UTRN: variants seen among roughly 807,000 people sequenced by gnomAD.
The protein encoded by UTRN is utrophin, also known as dystrophin-related protein 1.
In UTRN, 283 loss-of-function variants were observed where a neutral mutation model predicts 463.9. The observed-to-expected ratio is 0.61, with a 90% CI of 0.55 to 0.67. The LOEUF is 0.67. Ranked by LOEUF, UTRN falls within the 30% of genes least tolerant of loss-of-function variation. The probability of loss-of-function intolerance (pLI) is 0.00; values close to 1 mark genes in which losing one functional copy is unlikely to be tolerated. For synonymous variants in UTRN, 1,442 were observed against 1,431.5 expected, an observed-to-expected ratio of 1.01 and a Z score of -0.17; for missense variants, 3,922 against 4,084.3, an observed-to-expected ratio of 0.96 and a Z score of 1.08.
intron 50 of UTRN, among the ~76,000 whole-genome samples, chr6:144,561,256 T>TACAC (rs1455730140): frequency 2.6e-5 from 2 of 75,654 alleles, no homozygotes; most frequent in African/African-American, 4.3e-5. Context: ...TATATATATA[T>TACAC]ATATACATAC....
chr6:144,821,051 A>C, intron 66 of UTRN, 33 bp downstream of exon 66: 2 of 1,605,498 alleles, frequency 1.2e-6, no homozygotes, highest in Non-Finnish European at 1.7e-6. Context: ...ATCTAGTGTG[A>C]ACATTTATAT....
At chr6:144,772,020 T>TTTTG in intron 59 of UTRN, 52 bp downstream of exon 59, 1 of 464,308 alleles carries the variant, frequency 2.2e-6, no homozygotes, top group Non-Finnish European at 2.6e-6. Context: ...GAACCGGTTT[T>TTTTG]TTTTTTTTTT....
intron 69 of UTRN, among the ~76,000 whole-genome samples, chr6:144,834,133 G>A (rs1046204744): frequency 2.0e-5 from 3 of 152,136 alleles, no homozygotes; most frequent in Non-Finnish European, 4.4e-5. Context: ...TAACCCACTG[G>A]TGTTCCTTAT....
At chr6:144,553,910 T>C (rs1585244163) in intron 48 of UTRN, among the ~76,000 whole-genome samples, 1 of 126,694 alleles carries the variant, frequency 7.9e-6, no homozygotes, top group South Asian at 2.8e-4. Context: ...AGCAAGACTC[T>C]CTCTCAAAAA....
At chr6:144,517,177 A>T (rs1417350175) in intron 39 of UTRN, among the ~76,000 whole-genome samples, 1 of 151,866 alleles carries the variant, frequency 6.6e-6, no homozygotes, top group Non-Finnish European at 1.5e-5. Context: ...TGATTATGTT[A>T]TCAAACCTAA....
intron 58 of UTRN, among the ~76,000 whole-genome samples, chr6:144,767,207 T>C (rs1180719317): frequency 6.6e-6 from 1 of 152,098 alleles, no homozygotes; most frequent in African/African-American, 2.4e-5. Flanking sequence ...AGGTTTGAAA[T>C]CACATATTTT....
intron 2 of UTRN, among the ~76,000 whole-genome samples, chr6:144,336,268 A>G (rs574858670): frequency 6.6e-6 from 1 of 152,274 alleles, no homozygotes; most frequent in East Asian, 1.9e-4. Context: ...ACTTCAATCC[A>G]GACTCCGACA....
chr6:144,749,242 C>A (rs1348317623), intron 55 of UTRN, among the ~76,000 whole-genome samples: 1 of 151,966 alleles, frequency 6.6e-6, no homozygotes, highest in Admixed American at 6.6e-5. Flanking sequence ...AAGTATACCC[C>A]AAATCTCATT....
intron 65 of UTRN, among the ~76,000 whole-genome samples, chr6:144,814,786 A>C (rs1778933386): frequency 6.6e-6 from 1 of 152,236 alleles, no homozygotes. Context: ...GATAAAAAGC[A>C]AATGAATAAT....
At position 144,539,313 on chromosome 6, in the gene UTRN, A is replaced by G; in HGVS notation, c.6389A>G (p.Glu2130Gly). Residue 2130 changes from glutamate to glycine, a missense_variant, in exon 45 of 75, where the codon GAA becomes GGA. Glu to Gly is a moderately conservative substitution (Grantham distance 98). Transcript: ENST00000367545. ...CTCCAGGACTTAACTCAAGAAATGGAAGTACATGCTGAAAAACTCAAATGG... is the reference window on the plus strand; with the variant it reads ...CTCCAGGACTTAACTCAAGAAATGGGAGTACATGCTGAAAAACTCAAATGG... The part of the protein sequence containing the change: ...QELRDLTQEM[E>G]VHAEKLKWLN... 5.0e-6 allele frequency: 8 copies of G among 1,612,088 alleles called. No individual in the cohort carries two copies. The highest frequency in any genetic ancestry group is 5.9e-6 in the Non-Finnish European group (7 of 1,179,188).
rs200074133 is a variant in UTRN, at chr6:144,774,271, G to C, written c.8558-19G>C. On this transcript the variant is annotated intron_variant, in intron 59 of 74. Coordinates refer to ENST00000367545, the MANE Select transcript of UTRN (RefSeq NM_007124.3). ...TCAATAATAAGCCTATCTTCAAATTGTTTCTTTTTCTATTTCAGCTGACCT... is the reference window on the plus strand; with the variant it reads ...TCAATAATAAGCCTATCTTCAAATTCTTTCTTTTTCTATTTCAGCTGACCT... 84 of 1,590,956 alleles carry C rather than the reference G, an allele frequency of 5.3e-5. No homozygotes were observed. Among genetic ancestry groups the C allele is most frequent in the Non-Finnish European group, 7.1e-5 (83 of 1,172,210 alleles).
chr6:144,302,708 C>G lies in UTRN; in HGVS notation c.79+10801C>G, dbSNP rs768462725. Among the ~76,000 whole-genome samples, 3 of 152,146 alleles carry G rather than the reference C, an allele frequency of 2.0e-5. No individual in the cohort carries two copies. In the South Asian group the frequency reaches 6.2e-4, roughly 31 times the overall value. ...ACATCAATAAACATCCCCACACAAACCAGGGACACATGGAGGGAGGAAGGA... is the reference window on the plus strand; with the variant it reads ...ACATCAATAAACATCCCCACACAAAGCAGGGACACATGGAGGGAGGAAGGA... On this transcript the variant is annotated intron_variant, in intron 2 of 74. Coordinates refer to ENST00000367545, the MANE Select transcript of UTRN (RefSeq NM_007124.3).
At chr6:144,761,630 A>G (rs1264733547) in intron 58 of UTRN, among the ~76,000 whole-genome samples, 1 of 152,128 alleles carries the variant, frequency 6.6e-6, no homozygotes, top group Non-Finnish European at 1.5e-5. Context: ...TGGGCAACAG[A>G]GTGAAACTCT....
chr6:144,622,181 G>GTTTTTTTTTTTTTTTTT (rs1290959363), intron 51 of UTRN, among the ~76,000 whole-genome samples: 1 of 73,724 alleles, frequency 1.4e-5, no homozygotes, highest in Admixed American at 1.5e-4. Flanking sequence ...ATTTTTTTTT[G>GTTTTTTTTTTTTTTTTT]TTGTTTTTTT....
Position 144,337,369 on chromosome 6 carries a change from C to T in UTRN, c.79+45462C>T, listed in dbSNP as rs568742430. Among the ~76,000 whole-genome samples the T allele has an allele frequency of 1.4e-3, 217 of 152,246 alleles. 1 individual carries two copies. The highest frequency in any genetic ancestry group is 4.9e-3 in the African/African-American group (204 of 41,536). On this transcript the variant is annotated intron_variant, in intron 2 of 74. Coordinates refer to ENST00000367545, the MANE Select transcript of UTRN (RefSeq NM_007124.3). ...TACCTCCTCATTAAGGGCTTTGGTGCGATTATTGTCTCCCTTTTAATCTCA... is the reference window on the plus strand; with the variant it reads ...TACCTCCTCATTAAGGGCTTTGGTGTGATTATTGTCTCCCTTTTAATCTCA...
intron 32 of UTRN, among the ~76,000 whole-genome samples, chr6:144,492,892 C>G (rs1305495598): frequency 1.3e-5 from 2 of 152,148 alleles, no homozygotes; most frequent in African/African-American, 4.8e-5. Flanking sequence ...AATTCCAAAT[C>G]CAACAGACAG....
chr6:144,338,347 C>G (rs1295036659), intron 2 of UTRN, among the ~76,000 whole-genome samples: 1 of 151,614 alleles, frequency 6.6e-6, no homozygotes, highest in Non-Finnish European at 1.5e-5. Flanking sequence ...AAAAAAAAAA[C>G]CCGACATGCT....
chr6:144,577,377 G>T (rs1801538955), intron 51 of UTRN, 89 bp downstream of exon 51: 2 of 1,344,618 alleles, frequency 1.5e-6, no homozygotes, highest in African/African-American at 2.9e-5. Context: ...CTTAAAAGGT[G>T]AAGTTGTCAC....
intron 2 of UTRN, among the ~76,000 whole-genome samples, chr6:144,365,725 A>G (rs1264270929): frequency 6.6e-6 from 1 of 152,138 alleles, no homozygotes; most frequent in Non-Finnish European, 1.5e-5. Flanking sequence ...CATTTCGTTC[A>G]TGGAAGGAAG....
Sources: allele counts gnomAD v4.1 joint callset (sites outside exome capture counted in the v4.1 genomes callset), GRCh38; gene constraint gnomAD v4.1.1; transcripts MANE v1.5; gene names NCBI Gene and HGNC (gene_info 2026-07-23, HGNC 2026-07-21).